UTP4: variants seen among roughly 807,000 people sequenced by gnomAD.
UTP4 encodes U3 small nucleolar RNA-associated protein 4 homolog.
Under a neutral mutation model 82.4 loss-of-function variants are expected in UTP4, and 45 were observed. The observed-to-expected ratio is 0.55, with a 90% CI of 0.43 to 0.70. The LOEUF is 0.70. UTP4 is among the 30% of genes least tolerant of loss of function. The probability of loss-of-function intolerance (pLI) is 0.00; values close to 1 mark genes in which losing one functional copy is unlikely to be tolerated. For synonymous variants in UTP4, 348 were observed against 300.3 expected (o/e 1.16, Z -1.64); for missense variants, 819 against 858.3 (o/e 0.95, Z 0.57).
At chr16:69,160,599 T>A in intron 13 of UTP4, 137 bp downstream of exon 13, 1 of 153,970 alleles carries the variant, frequency 6.5e-6, no homozygotes, top group Non-Finnish European at 1.3e-5. Context: ...TTTTCTTTTC[T>A]TTTTTTTTTT....
chr16:69,152,351 T>C (rs925690412), intron 8 of UTP4, among the ~76,000 whole-genome samples: 1 of 152,110 alleles, frequency 6.6e-6, no homozygotes, highest in Admixed American at 6.6e-5. Context: ...AGTGGTGTAA[T>C]CTTGGCTCAC....
chr16:69,150,756 G>T (rs764602458), intron 7 of UTP4, 48 bp downstream of exon 7: 1 of 1,613,806 alleles, frequency 6.2e-7, no homozygotes, highest in Admixed American at 1.7e-5. Flanking sequence ...GCCCAGTTCT[G>T]GCTGTTCTCG....
chr16:69,164,881 G>C (rs1332478777), intron 14 of UTP4, among the ~76,000 whole-genome samples: 1 of 152,038 alleles, frequency 6.6e-6, no homozygotes. Flanking sequence ...AGAACGCTAT[G>C]TATTATGTGC....
chr16:69,143,283 G>C lies in UTP4; in HGVS notation c.632G>C (p.Ser211Thr). Residue 211 changes from serine (S) to threonine (T), a missense_variant, in exon 6 of 17, where the codon AGT becomes ACT. Transcript: ENST00000314423. ...VAFLSDGTII[S>T]VDSAGKVQFW... is the part of the protein sequence containing the mutation. ...TTCTTGTCCGATGGCACTATCATAAGTGTGGACTCTGCTGGGAAGGTGCAG... is the reference window on the plus strand; with the variant it reads ...TTCTTGTCCGATGGCACTATCATAACTGTGGACTCTGCTGGGAAGGTGCAG... 1 of 1,614,240 alleles carries C rather than the reference G, an allele frequency of 6.2e-7. No homozygotes were observed. The highest frequency in any genetic ancestry group is 2.2e-5 in the East Asian group (1 of 44,890).
chr16:69,149,748 A>T (rs1239292848), intron 6 of UTP4, among the ~76,000 whole-genome samples: 14 of 151,802 alleles, frequency 9.2e-5, no homozygotes, highest in Non-Finnish European at 1.5e-5. Context: ...TCTTTTTTTA[A>T]GCCAGAGTCT....
At chr16:69,156,549 C>G (rs527646045) in intron 11 of UTP4, among the ~76,000 whole-genome samples, 12 of 151,944 alleles carry the variant, frequency 7.9e-5, no homozygotes, top group Non-Finnish European at 1.0e-4. Context: ...ATCTCTGCCT[C>G]TCGGGTTCAA....
At chr16:69,158,923 T>G (rs1382540398) in intron 12 of UTP4, among the ~76,000 whole-genome samples, 2 of 152,172 alleles carry the variant, frequency 1.3e-5, no homozygotes, top group Non-Finnish European at 2.9e-5. Context: ...GTTGCCAGAT[T>G]GGTTTAAAGT....
intron 10 of UTP4, 46 bp downstream of exon 10, chr16:69,154,503 G>A: frequency 7.5e-7 from 1 of 1,340,264 alleles, no homozygotes; most frequent in South Asian, 1.2e-5. Flanking sequence ...CTGAATTCTA[G>A]GCTCATAATT....
chr16:69,156,534 C>G lies in UTP4; in HGVS notation c.1287+541C>G, dbSNP rs184290258. ...AGTGCAATGGCACCACCTCAGCTCA[C>G]CGCAATCTCTGCCTCTCGGGTTCAA... On this transcript the variant is annotated intron_variant, in intron 11 of 16. Transcript: ENST00000314423. 2.0e-5 allele frequency among the ~76,000 whole-genome samples: 3 copies of G among 151,928 alleles called. No individual in the cohort carries two copies. The East Asian group carries it at 5.8e-4, about 29-fold the overall frequency.
chr16:69,133,627 T>C lies in UTP4; in HGVS notation c.159+9T>C. The C allele has an allele frequency of 6.2e-7, 1 of 1,613,572 alleles. No homozygotes were observed. Among genetic ancestry groups the C allele is most frequent in the Non-Finnish European group, 8.5e-7 (1 of 1,179,550 alleles). On this transcript the variant is annotated intron_variant, in intron 2 of 16. Coordinates refer to ENST00000314423, the MANE Select transcript of UTP4 (RefSeq NM_032830.3). Reference sequence around the variant, plus strand: ...ACTACTTTCAGGAGAAAGTAAGTCATTTGGGAGTCTGATATGGTGTTTTGA... The same window carrying C: ...ACTACTTTCAGGAGAAAGTAAGTCACTTGGGAGTCTGATATGGTGTTTTGA...
chr16:69,164,586 T>TTATATATATATATATATA (rs58927210), intron 14 of UTP4, among the ~76,000 whole-genome samples: 7 of 132,514 alleles, frequency 5.3e-5, no homozygotes, highest in African/African-American at 1.7e-4. Flanking sequence ...TAATCATTCT[T>TTATATATATATATATATA]TATATATATA....
Position 69,157,276 on chromosome 16 carries a change from C to T in UTP4, c.1444+36C>T, listed in dbSNP as rs767604273. On this transcript the variant is annotated intron_variant, in intron 12 of 16. Transcript: ENST00000314423. ...GGTAACTGGCCATGGGGAGACTTGT[C>T]GTGTCTAAGATGTAACTTTTTTGCT... The T allele has an allele frequency of 2.5e-6, 4 of 1,609,706 alleles. No homozygotes were observed. In the Admixed American group the frequency reaches 6.7e-5, roughly 27 times the overall value.
intron 6 of UTP4, among the ~76,000 whole-genome samples, chr16:69,143,879 T>C (rs1963035226): frequency 1.3e-5 from 2 of 151,670 alleles, no homozygotes; most frequent in African/African-American, 4.8e-5. Flanking sequence ...TCTTATTTAG[T>C]AGTAGTTCTT....
At chr16:69,152,603 G>A (rs1463300386) in intron 8 of UTP4, among the ~76,000 whole-genome samples, 1 of 151,048 alleles carries the variant, frequency 6.6e-6, no homozygotes, top group Non-Finnish European at 1.5e-5. Flanking sequence ...CCTAGTAGCT[G>A]GGATTACAGG....
chr16:69,168,512 A>G (rs1013270948), intron 16 of UTP4, among the ~76,000 whole-genome samples: 2 of 151,280 alleles, frequency 1.3e-5, no homozygotes, highest in Admixed American at 1.3e-4. Context: ...TGTCCCAGCT[A>G]CTCAGGAGAC....
intron 9 of UTP4, among the ~76,000 whole-genome samples, chr16:69,154,115 G>A (rs1396604922): frequency 6.6e-6 from 1 of 152,120 alleles, no homozygotes; most frequent in Non-Finnish European, 1.5e-5. Context: ...CATTTGCAGT[G>A]GATTAAAATC....
intron 6 of UTP4, among the ~76,000 whole-genome samples, chr16:69,144,333 A>G (rs1349651864): frequency 6.6e-6 from 1 of 151,824 alleles, no homozygotes; most frequent in African/African-American, 2.4e-5. Context: ...GAAGTAGGTG[A>G]GATTACAGGC....
At chr16:69,168,681 A>G in intron 16 of UTP4, 140 bp from the exon 17 acceptor site, 1 of 735,288 alleles carries the variant, frequency 1.4e-6, no homozygotes, top group Admixed American at 2.1e-5. Flanking sequence ...CAGGGCAGGA[A>G]AGATTGTCAA....
chr16:69,147,178 AAAT>A (rs59985843), intron 6 of UTP4, among the ~76,000 whole-genome samples: 13,333 of 132,326 alleles, frequency 0.1, 690 homozygotes, highest in Middle Eastern at 0.14. Flanking sequence ...CTCCAGCTCA[AAAT>A]AATAATAATA....
Sources: gnomAD v4.1 joint callset for allele counts (sites outside exome capture counted in the v4.1 genomes callset) on GRCh38, gnomAD v4.1.1 for gene constraint, MANE v1.5 for transcripts, NCBI Gene and HGNC (gene_info 2026-07-23, HGNC 2026-07-21) for gene names.